The following NALF1 variants were observed in gnomAD, a reference collection of about 807,000 sequenced individuals.
The protein encoded by NALF1 is family with sequence similarity 155 member A.
NALF1 carries 3 observed loss-of-function variants against 48.4 expected under a neutral mutation model. The observed-to-expected ratio is 0.06, with a 90% CI of 0.03 to 0.16. The LOEUF is 0.16. Ranked by LOEUF, NALF1 falls within the 10% of genes least tolerant of loss-of-function variation. The pLI, the probability that NALF1 is intolerant of heterozygous loss-of-function variation, is 1.00. For synonymous variants in NALF1, 262 were observed against 245.7 expected (o/e 1.07, Z -0.62); for missense variants, 526 against 571.5 (o/e 0.92, Z 0.81).
At chr13:107,740,015 T>C (rs76840144) in intron 1 of NALF1, among the ~76,000 whole-genome samples, 3,071 of 152,232 alleles carry the variant, frequency 0.02, 42 homozygotes, top group Non-Finnish European at 0.032. Context: ...GAGATCCATA[T>C]TATGGTGTAA....
At chr13:107,484,837 A>G (rs2139064025) in intron 1 of NALF1, among the ~76,000 whole-genome samples, 1 of 152,280 alleles carries the variant, frequency 6.6e-6, no homozygotes. Context: ...CTCCAGGAAC[A>G]TATAAGCAGG....
At chr13:107,818,836 C>A in intron 1 of NALF1, among the ~76,000 whole-genome samples, 1 of 126,648 alleles carries the variant, frequency 7.9e-6, no homozygotes, top group Admixed American at 8.3e-5. Flanking sequence ...CGCGCCACTG[C>A]ACTCCAGCCT....
intron 1 of NALF1, among the ~76,000 whole-genome samples, chr13:107,262,072 A>C (rs1880938372): frequency 6.6e-6 from 1 of 152,204 alleles, no homozygotes; most frequent in African/African-American, 2.4e-5. Context: ...AATAAATAAA[A>C]TTCAGCATGC....
chr13:107,640,738 G>GTATTATATAATA (rs1379454252), intron 1 of NALF1, among the ~76,000 whole-genome samples: 1 of 152,068 alleles, frequency 6.6e-6, no homozygotes, highest in Admixed American at 6.6e-5. Context: ...AATATATTTG[G>GTATTATATAATA]TATTTGTGTT....
intron 1 of NALF1, among the ~76,000 whole-genome samples, chr13:107,348,038 C>A (rs1357766564): frequency 1.3e-5 from 2 of 152,172 alleles, no homozygotes; most frequent in Non-Finnish European, 2.9e-5. Context: ...GACGTTTTCC[C>A]CAAGGCATCT....
intron 1 of NALF1, among the ~76,000 whole-genome samples, chr13:107,849,096 T>C (rs1198900112): frequency 6.6e-6 from 1 of 152,180 alleles, no homozygotes; most frequent in Non-Finnish European, 1.5e-5. Context: ...AATTAAGATG[T>C]TGTGTAATTA....
intron 1 of NALF1, among the ~76,000 whole-genome samples, chr13:107,832,857 A>G (rs1594301826): frequency 6.6e-6 from 1 of 152,158 alleles, no homozygotes; most frequent in African/African-American, 2.4e-5. Context: ...TCTTTCAAAA[A>G]CAACAAATCA....
intron 1 of NALF1, among the ~76,000 whole-genome samples, chr13:107,556,471 CT>C (rs1239406792): frequency 6.6e-6 from 1 of 151,888 alleles, no homozygotes; most frequent in East Asian, 1.9e-4. Flanking sequence ...AATTCATTAT[CT>C]GTTTATTTTA....
At chr13:107,857,170 G>A (rs545796523) in intron 1 of NALF1, among the ~76,000 whole-genome samples, 8 of 152,226 alleles carry the variant, frequency 5.3e-5, no homozygotes, top group African/African-American at 1.9e-4. Context: ...TCTCTGTCAT[G>A]GCTACCAGGT....
chr13:107,279,874 C>T (rs1000519204), intron 1 of NALF1, among the ~76,000 whole-genome samples: 4 of 152,126 alleles, frequency 2.6e-5, no homozygotes, highest in East Asian at 3.8e-4. Flanking sequence ...TCATTCTTCC[C>T]AACGTCTTCA....
chr13:107,759,990 G>C (rs1461775000), intron 1 of NALF1, among the ~76,000 whole-genome samples: 1 of 152,072 alleles, frequency 6.6e-6, no homozygotes, highest in African/African-American at 2.4e-5. Context: ...TATCTATCTA[G>C]TAATAATCTG....
chr13:107,262,769 G>GCGCTCTCTCTCTCTCT (rs36027059), intron 1 of NALF1, among the ~76,000 whole-genome samples: 26 of 144,096 alleles, frequency 1.8e-4, no homozygotes, highest in Admixed American at 2.8e-4. Context: ...ACCCACAGGC[G>GCGCTCTCTCTCTCTCT]CTCTCTCTCT....
intron 1 of NALF1, among the ~76,000 whole-genome samples, chr13:107,408,630 C>T (rs1015049700): frequency 2.0e-5 from 3 of 152,052 alleles, no homozygotes; most frequent in African/African-American, 7.2e-5. Context: ...CTTCATGCCT[C>T]CTGGGTTCCA....
At chr13:107,706,457 A>C (rs936064025) in intron 1 of NALF1, among the ~76,000 whole-genome samples, 1 of 152,238 alleles carries the variant, frequency 6.6e-6, no homozygotes, top group Non-Finnish European at 1.5e-5. Context: ...CTTTTTAAGA[A>C]GATGAGTTTT....
At chr13:107,699,759 T>C (rs532841830) in intron 1 of NALF1, among the ~76,000 whole-genome samples, 1 of 152,174 alleles carries the variant, frequency 6.6e-6, no homozygotes, top group East Asian at 1.9e-4. Context: ...TAATTCCATA[T>C]GTAGAAAACC....
At chr13:107,767,411 G>A (rs1241162088) in intron 1 of NALF1, among the ~76,000 whole-genome samples, 3 of 152,182 alleles carry the variant, frequency 2.0e-5, no homozygotes, top group Admixed American at 6.5e-5. Flanking sequence ...GTGTTCTGTT[G>A]CAGTAACTGG....
At chr13:107,673,335 G>C (rs1288084859) in intron 1 of NALF1, among the ~76,000 whole-genome samples, 2 of 152,262 alleles carry the variant, frequency 1.3e-5, no homozygotes, top group East Asian at 3.9e-4. Context: ...CCCTCTTATA[G>C]CCAGGGATTG....
chr13:107,832,285 ATAT>A (rs1411331318), intron 1 of NALF1, among the ~76,000 whole-genome samples: 1 of 151,862 alleles, frequency 6.6e-6, no homozygotes, highest in East Asian at 1.9e-4. Flanking sequence ...AGTAAAAAAG[ATAT>A]TATATATCAT....
intron 1 of NALF1, among the ~76,000 whole-genome samples, chr13:107,407,563 A>C (rs953634879): frequency 2.0e-5 from 3 of 152,170 alleles, no homozygotes; most frequent in African/African-American, 7.2e-5. Context: ...GTGAGATATT[A>C]TCTTACCCCA....
Sources: gnomAD v4.1 joint callset for allele counts (sites outside exome capture counted in the v4.1 genomes callset) on GRCh38, gnomAD v4.1.1 for gene constraint, MANE v1.5 for transcripts, NCBI Gene and HGNC (gene_info 2026-07-23, HGNC 2026-07-21) for gene names.